Variants in ACCSL observed in about 807,000 individuals in gnomAD.
ACCSL encodes 1-aminocyclopropane-1-carboxylate synthase homolog (inactive) like.
ACCSL carries 55 observed loss-of-function variants against 61.7 expected under a neutral mutation model. The ratio of observed to expected loss-of-function variants is 0.89; its 90% CI spans 0.72 to 1.12. The LOEUF (loss-of-function observed/expected upper bound fraction) is 1.12, where lower values mean the gene tolerates loss of function less well. Among genes scored for constraint, ACCSL ranks in the 50% most tolerant of loss-of-function variants. The probability of loss-of-function intolerance (pLI) is 0.00; values close to 1 mark genes in which losing one functional copy is unlikely to be tolerated. For missense variants in ACCSL, 632 were observed against 698.0 expected (o/e 0.91, Z 1.07); for synonymous variants, 258 against 264.3 (o/e 0.98, Z 0.23).
chr11:43,940,668 A>G, the ACCSL span, among the ~76,000 whole-genome samples: 1 of 152,042 alleles, frequency 6.6e-6, no homozygotes, highest in Non-Finnish European at 1.5e-5. Flanking sequence ...CTGAAATTCT[A>G]ACTTTGTAAC....
the ACCSL span, chr11:43,926,614 C>A: frequency 3.2e-6 from 1 of 313,224 alleles, no homozygotes; most frequent in Non-Finnish European, 6.4e-6. Context: ...CATGTGGCTT[C>A]TATTTTCCTT....
At chr11:44,024,510 T>C in the ACCSL span, among the ~76,000 whole-genome samples, 12 of 151,522 alleles carry the variant, frequency 7.9e-5, no homozygotes, top group African/African-American at 2.7e-4. Context: ...TCTGTTTCTC[T>C]GGACAACCCT....
chr11:43,932,884 T>C, the ACCSL span, among the ~76,000 whole-genome samples: 1 of 152,210 alleles, frequency 6.6e-6, no homozygotes, highest in Non-Finnish European at 1.5e-5. Context: ...CCACCCCCTT[T>C]GTCACCTCAG....
chr11:43,943,798 G>T, the ACCSL span: 1 of 1,303,250 alleles, frequency 7.7e-7, no homozygotes, highest in East Asian at 5.6e-5. This position sits in a 1 kb window ranked among gnomAD's most constrained non-coding sequence, Gnocchi z 4.8. Flanking sequence ...ATGGCTGAAG[G>T]CATTTATTTA....
At chr11:44,021,121 A>T in the ACCSL span, among the ~76,000 whole-genome samples, 19 of 151,950 alleles carry the variant, frequency 1.3e-4, no homozygotes, top group Non-Finnish European at 2.8e-4. Context: ...TCATATAATG[A>T]CTTCTTTTCC....
At chr11:44,038,898 ATT>A in the ACCSL span, among the ~76,000 whole-genome samples, 1 of 152,132 alleles carries the variant, frequency 6.6e-6, no homozygotes, top group African/African-American at 2.4e-5. Flanking sequence ...CCCTGAAGGT[ATT>A]TGAATTTGCA....
the ACCSL span, among the ~76,000 whole-genome samples, chr11:43,965,729 A>T: frequency 2.0e-5 from 3 of 152,252 alleles, no homozygotes; most frequent in Non-Finnish European, 2.9e-5. Context: ...TACAGTAATC[A>T]AAACAATGTG....
At chr11:43,991,115 G>A in the ACCSL span, among the ~76,000 whole-genome samples, 12 of 152,224 alleles carry the variant, frequency 7.9e-5, no homozygotes, top group South Asian at 2.3e-3. Context: ...CAGGGTTTTG[G>A]AGTCAGAGAG....
chr11:44,039,035 A>T, the ACCSL span, among the ~76,000 whole-genome samples: 2 of 152,148 alleles, frequency 1.3e-5, no homozygotes, highest in African/African-American at 2.4e-5. Context: ...CTTCATTTTG[A>T]TGCTCCCAGG....
chr11:43,983,065 G>C, the ACCSL span, among the ~76,000 whole-genome samples: 1,427 of 152,290 alleles, frequency 9.4e-3, 22 homozygotes, highest in African/African-American at 0.032. Flanking sequence ...CACACCTAAG[G>C]GTTGGGAAAG....
At chr11:44,049,152 G>A (rs1273615913) in intron 1 of ACCSL, among the ~76,000 whole-genome samples, 12 of 152,156 alleles carry the variant, frequency 7.9e-5, no homozygotes, top group Admixed American at 7.9e-4. Flanking sequence ...GGGCGTGGTG[G>A]CTCATGCCTG....
At chr11:44,041,956 G>T in the ACCSL span, among the ~76,000 whole-genome samples, 9,070 of 152,062 alleles carry the variant, frequency 0.06, 492 homozygotes, top group African/African-American at 0.14. Context: ...TTGATTTTTT[G>T]AAACTCCCTA....
chr11:44,002,178 G>A, the ACCSL span, among the ~76,000 whole-genome samples: 67,131 of 151,868 alleles, frequency 0.44, 15,418 homozygotes, highest in Middle Eastern at 0.56. Context: ...CCTGTGTTAC[G>A]TGGCCCCAGA....
the ACCSL span, chr11:43,944,564 G>A: frequency 6.6e-6 from 1 of 152,568 alleles, no homozygotes; most frequent in African/African-American, 2.4e-5. Flanking sequence ...GGGTACCATC[G>A]AGTCCTTCCC....
the ACCSL span, among the ~76,000 whole-genome samples, chr11:43,940,606 C>T: frequency 4.6e-5 from 7 of 151,998 alleles, no homozygotes; most frequent in African/African-American, 9.7e-5. Flanking sequence ...GTGATCCGTC[C>T]GCCTAAGCCT....
At chr11:44,030,325 C>T in the ACCSL span, among the ~76,000 whole-genome samples, 1 of 151,740 alleles carries the variant, frequency 6.6e-6, no homozygotes, top group African/African-American at 2.4e-5. Context: ...CCTAAAACCC[C>T]AGATTGTAGA....
At chr11:43,942,546 C>A in the ACCSL span, 2 of 266,130 alleles carry the variant, frequency 7.5e-6, no homozygotes, top group South Asian at 6.0e-5. Context: ...GCGGGGCGCG[C>A]ACGCTTTAAA....
At chr11:43,983,151 C>G in the ACCSL span, among the ~76,000 whole-genome samples, 1 of 152,260 alleles carries the variant, frequency 6.6e-6, no homozygotes, top group South Asian at 2.1e-4. Context: ...TATTTTGGCC[C>G]ATCCCCCATT....
the ACCSL span, among the ~76,000 whole-genome samples, chr11:43,987,022 T>G: frequency 3.9e-5 from 6 of 152,140 alleles, no homozygotes; most frequent in African/African-American, 1.4e-4. Flanking sequence ...CTCCAAGTAC[T>G]GGCATGGTGT....
Sources: allele counts gnomAD v4.1 joint callset (sites outside exome capture counted in the v4.1 genomes callset), GRCh38; gene constraint gnomAD v4.1.1; non-coding constraint Gnocchi (gnomAD v3.1); transcripts MANE v1.5; gene names NCBI Gene and HGNC (gene_info 2026-07-23, HGNC 2026-07-21).